Variants in PREPL observed in about 807,000 individuals in gnomAD.
PREPL encodes the protein prolyl endopeptidase like.
PREPL carries 77 observed loss-of-function variants against 70.6 expected under a neutral mutation model. That is an observed-to-expected ratio of 1.09 (90% CI 0.91 to 1.32). The LOEUF (loss-of-function observed/expected upper bound fraction) is 1.32, where lower values mean the gene tolerates loss of function less well. Among genes scored for constraint, PREPL ranks in the 40% most tolerant of loss-of-function variants. PREPL has a pLI of 0.00. For synonymous variants in PREPL, 315 were observed against 264.8 expected (o/e 1.19, Z -1.84); for missense variants, 1,002 against 778.2 (o/e 1.29, Z -3.42).
At chr2:44,331,449 G>A (rs1428632900) in intron 8 of PREPL, among the ~76,000 whole-genome samples, 1 of 151,718 alleles carries the variant, frequency 6.6e-6, no homozygotes, top group African/African-American at 2.4e-5. Flanking sequence ...CTCGTGATCT[G>A]CCCGCCTCAG....
At chr2:44,345,904 G>C (rs1470735795) in intron 2 of PREPL, among the ~76,000 whole-genome samples, 1 of 152,124 alleles carries the variant, frequency 6.6e-6, no homozygotes, top group Non-Finnish European at 1.5e-5. Flanking sequence ...CACTTTGGGA[G>C]GCTGAGGTGG....
intron 5 of PREPL, among the ~76,000 whole-genome samples, chr2:44,340,085 AT>A (rs1675051622): frequency 6.6e-6 from 1 of 151,942 alleles, no homozygotes; most frequent in African/African-American, 2.4e-5. Context: ...TCATATATCA[AT>A]TTTCTCCCTA....
intron 5 of PREPL, among the ~76,000 whole-genome samples, chr2:44,340,166 C>T (rs1285112640): frequency 6.6e-6 from 1 of 151,772 alleles, no homozygotes; most frequent in Admixed American, 6.6e-5. Context: ...TTAATGGCTA[C>T]CTAATATATC....
At chr2:44,350,490 C>A (rs943564573) in intron 1 of PREPL, among the ~76,000 whole-genome samples, 10 of 151,374 alleles carry the variant, frequency 6.6e-5, no homozygotes, top group Admixed American at 6.6e-4. Context: ...AATCTGTAAT[C>A]AAAATACCTG....
chr2:44,345,548 A>G (rs1675706039), intron 2 of PREPL, among the ~76,000 whole-genome samples: 1 of 152,036 alleles, frequency 6.6e-6, no homozygotes, highest in Non-Finnish European at 1.5e-5. Context: ...GGGTTTCACC[A>G]TGTTGGCTAG....
At chr2:44,329,433 A>G (rs947381599) in intron 8 of PREPL, among the ~76,000 whole-genome samples, 2 of 152,212 alleles carry the variant, frequency 1.3e-5, no homozygotes, top group Non-Finnish European at 2.9e-5. Context: ...AAATTTTCAG[A>G]TGAAACCAAA....
chr2:44,330,845 G>A (rs1279449436), intron 8 of PREPL, among the ~76,000 whole-genome samples: 2 of 152,094 alleles, frequency 1.3e-5, no homozygotes, highest in African/African-American at 4.8e-5. Context: ...CCTGGAATAT[G>A]GATATTTGTT....
intron 8 of PREPL, among the ~76,000 whole-genome samples, chr2:44,329,407 T>G (rs1454713188): frequency 6.6e-6 from 1 of 152,216 alleles, no homozygotes; most frequent in Non-Finnish European, 1.5e-5. Flanking sequence ...AGTTCTTCAC[T>G]ACCTACTATA....
chr2:44,349,307 G>C (rs1676154844), intron 1 of PREPL, among the ~76,000 whole-genome samples: 1 of 152,106 alleles, frequency 6.6e-6, no homozygotes, highest in Non-Finnish European at 1.5e-5. Context: ...GTAGGTTTGG[G>C]AAATCTTATG....
rs886056073 is a variant in PREPL, at chr2:44,320,431, AAATGAG to A, written c.*919_*924del. 6.2e-7 allele frequency: 1 copy of A among 1,614,006 alleles called. No homozygotes were observed. Among genetic ancestry groups the A allele is most frequent in the Non-Finnish European group, 8.5e-7 (1 of 1,179,976 alleles). ...AATATGATTTCGGGCCTTCCCGCTA[AAATGAG>A]AATAAGGTTAAGTACCAATTCTGCC... On this transcript the variant is annotated 3_prime_UTR_variant, in exon 14 of 14. Transcript: ENST00000409411.
At chr2:44,339,104 C>G in intron 6 of PREPL, 43 bp downstream of exon 6, 1 of 1,607,660 alleles carries the variant, frequency 6.2e-7, no homozygotes, top group East Asian at 2.2e-5. Flanking sequence ...AAGTGTGACA[C>G]TTCTTAACAG....
chr2:44,355,778 T>TACAC (rs1176913177), intron 1 of PREPL, among the ~76,000 whole-genome samples: 1 of 46,514 alleles, frequency 2.1e-5, no homozygotes, highest in Non-Finnish European at 5.4e-5. Context: ...TATATATATA[T>TACAC]ACACACACAC....
chr2:44,357,543 C>G (rs777703768), intron 1 of PREPL, among the ~76,000 whole-genome samples: 8 of 152,128 alleles, frequency 5.3e-5, no homozygotes, highest in Non-Finnish European at 1.5e-5. Flanking sequence ...ACTAAATGAA[C>G]TATTAATACT....
intron 7 of PREPL, among the ~76,000 whole-genome samples, chr2:44,336,159 T>G (rs980560003): frequency 6.6e-6 from 1 of 152,162 alleles, no homozygotes; most frequent in Non-Finnish European, 1.5e-5. Context: ...TCAAAGAATG[T>G]AAAACAGAAC....
chr2:44,350,143 T>C (rs1676259333), intron 1 of PREPL, among the ~76,000 whole-genome samples: 2 of 152,222 alleles, frequency 1.3e-5, no homozygotes, highest in South Asian at 4.2e-4. Flanking sequence ...TATGAGACAA[T>C]TAAAAAAATC....
chr2:44,333,482 T>A (rs545482461), intron 7 of PREPL, among the ~76,000 whole-genome samples: 1 of 152,000 alleles, frequency 6.6e-6, no homozygotes, highest in South Asian at 2.1e-4. Context: ...AAGAGCAAAT[T>A]CCTTAGAAAA....
chr2:44,361,793 T>A, upstream of PREPL: 1 of 867,732 alleles, frequency 1.2e-6, no homozygotes, highest in Non-Finnish European at 1.6e-6. Flanking sequence ...TCAAGATGGC[T>A]ACCAGCAAGA....
At chr2:44,326,052 G>A (rs1288310694) in intron 10 of PREPL, among the ~76,000 whole-genome samples, 1 of 152,208 alleles carries the variant, frequency 6.6e-6, no homozygotes, top group South Asian at 2.1e-4. Context: ...GCCTGTCAAG[G>A]TGACCAGGAG....
At chr2:44,357,739 A>C (rs1214749606) in intron 1 of PREPL, among the ~76,000 whole-genome samples, 1 of 152,230 alleles carries the variant, frequency 6.6e-6, no homozygotes, top group Non-Finnish European at 1.5e-5. Context: ...TGTTAAGACA[A>C]AGTACGACAT....
Sources: allele counts gnomAD v4.1 joint callset (sites outside exome capture counted in the v4.1 genomes callset), GRCh38; gene constraint gnomAD v4.1.1; transcripts MANE v1.5; gene names NCBI Gene and HGNC (gene_info 2026-07-23, HGNC 2026-07-21).